The following FAM110B variants were observed in gnomAD, a reference collection of about 807,000 sequenced individuals.
FAM110B encodes protein FAM110B.
In FAM110B, 6 loss-of-function variants were observed where a neutral mutation model predicts 20.4. The ratio of observed to expected loss-of-function variants is 0.29; its 90% CI spans 0.16 to 0.58. The LOEUF is 0.58. Among genes scored for constraint, FAM110B ranks in the 20% least tolerant of loss-of-function variants. The pLI is 0.90. For missense variants in FAM110B, 434 were observed against 498.2 expected (o/e 0.87, Z 1.23); for synonymous variants, 226 against 214.1 (o/e 1.06, Z -0.49).
At chr8:58,004,082 A>T (rs1393923933) in intron 1 of FAM110B, among the ~76,000 whole-genome samples, 1 of 152,168 alleles carries the variant, frequency 6.6e-6, no homozygotes, top group Non-Finnish European at 1.5e-5. Flanking sequence ...CAAGCTCATT[A>T]CATTTTTCAT....
rs1370250501 is a variant in FAM110B at position 58,147,483 on chromosome 8, A to G, written c.*140A>G. 2 of 1,065,110 alleles carry G rather than the reference A, an allele frequency of 1.9e-6. No homozygotes were observed. Among genetic ancestry groups the G allele is most frequent in the Non-Finnish European group, 2.7e-6 (2 of 744,258 alleles). 66.0% of individuals were successfully genotyped at this position (1,065,110 alleles called of 1,614,324 possible). A position where few individuals can be genotyped will look rare whatever the true frequency, so the allele number is the denominator to read the frequency against. ...ATGTTTTCAAGTTGCATGCTTGTCA[A>G]CATGGGGACTGACCTGGCTTCCACG... On this transcript the variant is annotated 3_prime_UTR_variant, in exon 4 of 4. Coordinates refer to ENST00000519262, the MANE Select transcript of FAM110B (RefSeq NM_001377989.1).
chr8:58,011,844 T>C (rs1585809754), intron 1 of FAM110B, among the ~76,000 whole-genome samples: 1 of 152,204 alleles, frequency 6.6e-6, no homozygotes, highest in African/African-American at 2.4e-5. Context: ...TTGTGTCTTC[T>C]AAGTATGTAG....
intron 1 of FAM110B, among the ~76,000 whole-genome samples, chr8:58,006,923 A>ATATATATATATTTT: frequency 7.9e-6 from 1 of 126,518 alleles, no homozygotes; most frequent in African/African-American, 3.0e-5. Context: ...ATATATATAT[A>ATATATATATATTTT]TTTTTCCAAA....
At chr8:58,023,838 G>T (rs914997692) in intron 1 of FAM110B, among the ~76,000 whole-genome samples, 1 of 152,154 alleles carries the variant, frequency 6.6e-6, no homozygotes, top group Non-Finnish European at 1.5e-5. Flanking sequence ...ACATGTATTT[G>T]TATACTAAGC....
chr8:58,035,174 T>A (rs1380210010), intron 2 of FAM110B, among the ~76,000 whole-genome samples: 1 of 152,228 alleles, frequency 6.6e-6, no homozygotes, highest in East Asian at 1.9e-4. Context: ...ATAAAGATAG[T>A]AGTAATTATT....
At chr8:58,100,136 A>C (rs1806740570) in intron 3 of FAM110B, among the ~76,000 whole-genome samples, 1 of 152,134 alleles carries the variant, frequency 6.6e-6, no homozygotes, top group Non-Finnish European at 1.5e-5. Flanking sequence ...CAGAGACTGT[A>C]AACTCTGGTC....
At chr8:58,137,959 G>A (rs1406251784) in intron 3 of FAM110B, among the ~76,000 whole-genome samples, 1 of 152,166 alleles carries the variant, frequency 6.6e-6, no homozygotes, top group African/African-American at 2.4e-5. Flanking sequence ...CCAGCTCAGG[G>A]CCGCATTGGC....
chr8:58,037,946 C>G lies in FAM110B; in HGVS notation c.-414+6243C>G, dbSNP rs377071795. Among the ~76,000 whole-genome samples, 18 of 152,324 alleles carry G rather than the reference C, an allele frequency of 1.2e-4. No individual in the cohort carries two copies. The East Asian group carries it at 3.3e-3, about 28-fold the overall frequency. On this transcript the variant is annotated intron_variant, in intron 2 of 3. Coordinates refer to ENST00000519262, the MANE Select transcript of FAM110B (RefSeq NM_001377989.1). ...TGAGGCTACTTTCTTTGTTTGGAGT[C>G]TATCAGCTGAACAGATAGGCATCAC...
At chr8:58,125,001 A>C (rs1199273701) in intron 3 of FAM110B, among the ~76,000 whole-genome samples, 1 of 152,196 alleles carries the variant, frequency 6.6e-6, no homozygotes, top group African/African-American at 2.4e-5. Flanking sequence ...TTACAGTAAG[A>C]AATCATTGAA....
chr8:58,027,074 A>G (rs1386252060), intron 1 of FAM110B, among the ~76,000 whole-genome samples: 1 of 152,190 alleles, frequency 6.6e-6, no homozygotes, highest in Non-Finnish European at 1.5e-5. Context: ...ACCTTAGGCT[A>G]CATCTTCCCT....
chr8:58,048,933 G>T (rs1008053701), intron 2 of FAM110B, among the ~76,000 whole-genome samples: 3 of 152,196 alleles, frequency 2.0e-5, no homozygotes, highest in African/African-American at 7.2e-5. Context: ...ATGGATTATC[G>T]TGGGGAAGTC....
At chr8:58,094,592 A>G (rs181854391) in intron 3 of FAM110B, among the ~76,000 whole-genome samples, 138 of 152,318 alleles carry the variant, frequency 9.1e-4, no homozygotes, top group Admixed American at 7.8e-4. Context: ...CATCACAGGG[A>G]TGAAGCCTAC....
chr8:58,036,098 C>A (rs1221340543), intron 2 of FAM110B, among the ~76,000 whole-genome samples: 4 of 152,192 alleles, frequency 2.6e-5, no homozygotes, highest in Non-Finnish European at 5.9e-5. Flanking sequence ...ATCAGTTACA[C>A]ACCAAGGGAA....
intron 2 of FAM110B, among the ~76,000 whole-genome samples, chr8:58,043,703 G>A (rs1206356675): frequency 2.0e-5 from 3 of 151,966 alleles, no homozygotes; most frequent in African/African-American, 4.8e-5. Context: ...GAACCAATAC[G>A]AAATCCAAAC....
intron 2 of FAM110B, among the ~76,000 whole-genome samples, chr8:58,047,897 T>C (rs1805362652): frequency 6.6e-6 from 1 of 152,168 alleles, no homozygotes; most frequent in African/African-American, 2.4e-5. Flanking sequence ...AAAAAATTTT[T>C]TTTAATGTCA....
chr8:58,063,109 GCA>G (rs1386210316), intron 2 of FAM110B, among the ~76,000 whole-genome samples: 52 of 152,308 alleles, frequency 3.4e-4, no homozygotes, highest in African/African-American at 1.2e-3. Flanking sequence ...AAGCTGAGCT[GCA>G]CCATGTAGGC....
chr8:58,041,320 C>T (rs72621433), intron 2 of FAM110B, among the ~76,000 whole-genome samples: 11,169 of 152,174 alleles, frequency 0.073, 511 homozygotes, highest in East Asian at 0.17. Flanking sequence ...TCGCAGTGTT[C>T]GTTCCAGCAA....
rs1191730416 is a variant in FAM110B at position 58,039,155 on chromosome 8, CT to C, written c.-414+7453del. The stretch of plus-strand genomic sequence containing the variant: ...TGGAGCCAGATCGCCGGGTGCCAGC[CT>C]GGGCTGGCACTCACAGGGCCCCTCC... On this transcript the variant is annotated intron_variant, in intron 2 of 3. Coordinates refer to ENST00000519262, the MANE Select transcript of FAM110B (RefSeq NM_001377989.1). Among the ~76,000 whole-genome samples, 3 of 152,228 alleles carry C rather than the reference CT, an allele frequency of 2.0e-5. No homozygotes were observed. The East Asian group carries it at 5.8e-4, about 29-fold the overall frequency.
chr8:58,086,970 A>G (rs779749637), intron 3 of FAM110B, among the ~76,000 whole-genome samples: 1 of 152,202 alleles, frequency 6.6e-6, no homozygotes, highest in Non-Finnish European at 1.5e-5. Flanking sequence ...AGTTGATGGG[A>G]CACATAGCAC....
Sources: allele counts gnomAD v4.1 joint callset (sites outside exome capture counted in the v4.1 genomes callset), GRCh38; gene constraint gnomAD v4.1.1; transcripts MANE v1.5; gene names NCBI Gene and HGNC (gene_info 2026-07-23, HGNC 2026-07-21).